The following SEC16B variants were observed in gnomAD, a reference collection of about 807,000 sequenced individuals.
SEC16B encodes protein transport protein Sec16B.
Under a neutral mutation model 141.8 loss-of-function variants are expected in SEC16B, and 115 were observed. The ratio of observed to expected loss-of-function variants is 0.81; its 90% confidence interval spans 0.70 to 0.95. The LOEUF (loss-of-function observed/expected upper bound fraction) is 0.95, where lower values mean the gene tolerates loss of function less well. Ranked by LOEUF, SEC16B falls within the 40% of genes least tolerant of loss-of-function variation. The pLI is 0.00. For synonymous variants in SEC16B, 493 were observed against 492.5 expected (o/e 1.00, Z -0.01); for missense variants, 1,291 against 1,312.3 (o/e 0.98, Z 0.25).
chr1:177,942,200 G>A (rs183853496), intron 15 of SEC16B, among the ~76,000 whole-genome samples, 160 bp from the exon 16 acceptor site: 18 of 152,290 alleles, frequency 1.2e-4, no homozygotes, highest in South Asian at 2.1e-4. Flanking sequence ...ATCTATGCAC[G>A]GGCACAACTC....
Position 177,965,048 on chromosome 1 carries a change from GGA to G in SEC16B, c.530_531del (p.Phe177SerfsTer3). ...ACTGGCCTCTCCTTTCACACTTACT[GGA>G]AGTGGGTCTCACTATTTGTTCCAAA... is the stretch of plus-strand genomic sequence containing the variant. ...SPFGTNSETH[F>X]QSNSRNPCKD... On this transcript the variant is annotated frameshift_variant and splice_region_variant, in exon 4 of 26. Coordinates refer to ENST00000308284, the MANE Select transcript of SEC16B (RefSeq NM_033127.4). LOFTEE classifies it high-confidence loss of function. 6.2e-7 allele frequency: 1 copy of G among 1,613,190 alleles called. No homozygotes were observed. Among genetic ancestry groups the G allele is most frequent in the Non-Finnish European group, 8.5e-7 (1 of 1,179,592 alleles).
intron 12 of SEC16B, chr1:177,948,720 T>G: frequency 8.3e-7 from 1 of 1,212,056 alleles, no homozygotes; most frequent in South Asian, 1.5e-5. Flanking sequence ...AGGCCCCAAC[T>G]CGAGTCCTGC....
intron 5 of SEC16B, among the ~76,000 whole-genome samples, chr1:177,962,978 C>T (rs941748980): frequency 6.6e-6 from 1 of 150,442 alleles, no homozygotes; most frequent in Non-Finnish European, 1.5e-5. Context: ...CATGGTGGTG[C>T]ACACCTGTAG....
At position 177,933,228 on chromosome 1, in the gene SEC16B, TGTCTGAGGAGTCCTC is replaced by T; in HGVS notation, c.2794_2808del (p.Glu932_Asp936del). On this transcript the variant is annotated inframe_deletion, in exon 22 of 26. Coordinates refer to ENST00000308284, the MANE Select transcript of SEC16B (RefSeq NM_033127.4). Reference sequence around the variant, plus strand: ...ACAGAGCCTACCTCAGAGTCAGGGCTGTCTGAGGAGTCCTCGTCTCCAGCGGGGGATGCGTTCTTG... The same window carrying T: ...ACAGAGCCTACCTCAGAGTCAGGGCTGTCTCCAGCGGGGGATGCGTTCTTG... 1 of 1,584,724 alleles carries T rather than the reference TGTCTGAGGAGTCCTC, an allele frequency of 6.3e-7. No individual in the cohort carries two copies. The highest frequency in any genetic ancestry group is 8.6e-7 in the Non-Finnish European group (1 of 1,165,026).
chr1:177,982,270 G>A (rs1245357916), intron 1 of SEC16B, among the ~76,000 whole-genome samples: 2 of 152,190 alleles, frequency 1.3e-5, no homozygotes, highest in African/African-American at 2.4e-5. Flanking sequence ...TTATAAAATG[G>A]GAGAGACTTA....
Position 177,959,070 on chromosome 1 carries a change from G to A in SEC16B, c.999-95C>T, listed in dbSNP as rs769212697. 13 of 1,323,616 alleles carry A rather than the reference G, an allele frequency of 9.8e-6. No homozygotes were observed. The South Asian group carries it at 1.6e-4, about 17-fold the overall frequency. 82.0% of individuals were successfully genotyped at this position (1,323,616 alleles called of 1,614,324 possible). ...CTCCTAAGTGTGCAAGTGCTGGCTG[G>A]GCTGTGATTGAGATAGAAATCTGAC... On this transcript the variant is annotated intron_variant, in intron 8 of 25. Coordinates refer to ENST00000308284, the MANE Select transcript of SEC16B (RefSeq NM_033127.4).
chr1:177,968,311 A>C (rs1653718351), intron 1 of SEC16B, among the ~76,000 whole-genome samples: 1 of 152,238 alleles, frequency 6.6e-6, no homozygotes, highest in South Asian at 2.1e-4. Flanking sequence ...TAACAATAAT[A>C]GGTACAGCTA....
chr1:177,939,169 A>G (rs1204224924), intron 18 of SEC16B, among the ~76,000 whole-genome samples: 1 of 152,190 alleles, frequency 6.6e-6, no homozygotes, highest in Non-Finnish European at 1.5e-5. Context: ...TGCAGGGGGA[A>G]CTTGGGGAAA....
At chr1:177,972,765 A>T (rs948307351), upstream of SEC16B, among the ~76,000 whole-genome samples, 3 of 152,204 alleles carry the variant, frequency 2.0e-5, no homozygotes, top group Non-Finnish European at 4.4e-5. Context: ...TCATATGTTG[A>T]AAACCTAACT....
At chr1:177,977,461 GTACCTAGGGGGC>G (rs1403786350) in intron 1 of SEC16B, among the ~76,000 whole-genome samples, 1 of 152,148 alleles carries the variant, frequency 6.6e-6, no homozygotes, top group Non-Finnish European at 1.5e-5. Context: ...ATACTAGAAG[GTACCTAGGGGGC>G]TAGTGACACT....
At chr1:177,937,604 T>C (rs1223381789) in intron 18 of SEC16B, 91 bp from the exon 19 acceptor site, 5 of 1,176,374 alleles carry the variant, frequency 4.3e-6, no homozygotes, top group Non-Finnish European at 5.8e-6. Context: ...TTATGTCTTC[T>C]TTGGAAAGCA....
chr1:177,947,873 C>T lies in SEC16B; in HGVS notation c.1615G>A (p.Asp539Asn). Residue 539 changes from aspartate (D) to asparagine (N), a missense_variant, in exon 13 of 26, where the codon GAC becomes AAC. Coordinates refer to ENST00000308284, the MANE Select transcript of SEC16B (RefSeq NM_033127.4). ...ATCGCACGCTGATACAGCTCTGGGT[C>T]CCCAGCCTGATTCGACAGAATCACA... is the stretch of plus-strand genomic sequence containing the variant. ...LAVILSNQAG[D>N]PELYQRAIVA... 2 of 1,559,992 alleles carry T rather than the reference C, an allele frequency of 1.3e-6. No individual in the cohort carries two copies. Among genetic ancestry groups the T allele is most frequent in the Non-Finnish European group, 1.7e-6 (2 of 1,152,202 alleles).
intron 5 of SEC16B, 99 bp from the exon 6 acceptor site, chr1:177,961,833 T>C: frequency 9.0e-7 from 1 of 1,114,716 alleles, no homozygotes; most frequent in South Asian, 1.4e-5. Flanking sequence ...TGAAAGTGGA[T>C]GTGTTGAAAG....
In SEC16B at chr1:177,939,663, C is replaced by A. The variant is rs372885569; in HGVS notation, c.2203+39G>T. 10 of 1,432,700 alleles carry A rather than the reference C, an allele frequency of 7.0e-6. No homozygotes were observed. The African/African-American group carries it at 7.0e-5, about 10-fold the overall frequency. 88.7% of individuals were successfully genotyped at this position (1,432,700 alleles called of 1,614,324 possible). On this transcript the variant is annotated intron_variant, in intron 18 of 25. Coordinates refer to ENST00000308284, the MANE Select transcript of SEC16B (RefSeq NM_033127.4). ...TTGTCTCGTAGAATCAGATCCTGAG[C>A]GTCAGCTATGTATATGCTCAGTTCA...
upstream of SEC16B, among the ~76,000 whole-genome samples, chr1:177,974,269 T>C (rs1177647995): frequency 6.6e-6 from 1 of 152,076 alleles, no homozygotes; most frequent in Non-Finnish European, 1.5e-5. Context: ...TGTAATGAGC[T>C]CAAGAGAAAG....
intron 2 of SEC16B, among the ~76,000 whole-genome samples, chr1:177,966,798 C>T (rs950435323): frequency 6.6e-6 from 1 of 152,198 alleles, no homozygotes. Context: ...TGGTCTCGAA[C>T]TCCCAACCTC....
chr1:177,937,399 T>C lies in SEC16B; in HGVS notation c.2318A>G (p.Gln773Arg). 1 of 1,611,696 alleles carries C rather than the reference T, an allele frequency of 6.2e-7. No homozygotes were observed. Among genetic ancestry groups the C allele is most frequent in the East Asian group, 2.2e-5 (1 of 44,812 alleles). The change falls in exon 19 of 26, where the codon CAG becomes CGG. Residue 773 changes from glutamine (Q) to arginine (R), a missense_variant. By Grantham distance (43) the Gln-to-Arg change is conservative. This residue lies in a region of SEC16B where 605 missense variants were observed against 614.1 expected (regional missense o/e 0.99). Transcript: ENST00000308284. ...GCCCGGCTGGAGGGGAAAGGGCTGC[T>C]GTGGGCTGGGCTGGAGCAGGCAGGT... The part of the protein sequence containing the change: ...EQTCLLQPSP[Q>R]QPFPLQPGSY...
chr1:177,940,374 G>A (rs1033914702), intron 17 of SEC16B, among the ~76,000 whole-genome samples: 4 of 152,158 alleles, frequency 2.6e-5, no homozygotes, highest in Non-Finnish European at 5.9e-5. Flanking sequence ...GCACCCCACC[G>A]TGTCACATGC....
At chr1:177,974,920 TA>T (rs1379652756), upstream of SEC16B, among the ~76,000 whole-genome samples, 3 of 152,132 alleles carry the variant, frequency 2.0e-5, no homozygotes, top group African/African-American at 7.2e-5. Context: ...AAGTTAAACC[TA>T]GCCGAGGAAG....
Sources: allele counts gnomAD v4.1 joint callset (sites outside exome capture counted in the v4.1 genomes callset), GRCh38; gene constraint gnomAD v4.1.1; regional missense constraint gnomAD v4.1.1; transcripts MANE v1.5; gene names NCBI Gene and HGNC (gene_info 2026-07-23, HGNC 2026-07-21).